Variants in MFHAS1 observed in about 807,000 individuals in gnomAD.
MFHAS1 encodes the protein multifunctional ROCO family signaling regulator 1.
A neutral mutation model predicts 70.4 loss-of-function variants in MFHAS1; 50 were observed. The ratio of observed to expected loss-of-function variants is 0.71; its 90% CI spans 0.57 to 0.90. The LOEUF (loss-of-function observed/expected upper bound fraction) is 0.90, where lower values mean the gene tolerates loss of function less well. Ranked by LOEUF, MFHAS1 falls within the 40% of genes least tolerant of loss-of-function variation. The pLI, the probability that MFHAS1 is intolerant of heterozygous loss-of-function variation, is 0.00. For synonymous variants in MFHAS1, 952 were observed against 620.0 expected (o/e 1.54, Z -7.96); for missense variants, 1,795 against 1,347.6 (o/e 1.33, Z -5.20).
At chr8:8,854,789 C>T (rs954768515) in intron 1 of MFHAS1, among the ~76,000 whole-genome samples, 7 of 152,120 alleles carry the variant, frequency 4.6e-5, no homozygotes, top group African/African-American at 1.7e-4. Flanking sequence ...ACGTGAAATT[C>T]AGATGTAAGA....
Position 8,785,904 on chromosome 8 carries a change from T to G in MFHAS1, c.*118A>C. ...CCAAAAAGCACCCTGCAAGCACGCGTTGTCACTCAAGTTCACAGAACACGC... is the reference window on the plus strand; with the variant it reads ...CCAAAAAGCACCCTGCAAGCACGCGGTGTCACTCAAGTTCACAGAACACGC... On this transcript the variant is annotated 3_prime_UTR_variant, in exon 3 of 3. Coordinates refer to ENST00000276282, the MANE Select transcript of MFHAS1 (RefSeq NM_004225.3). 1 of 719,070 alleles carries G rather than the reference T, an allele frequency of 1.4e-6. No homozygotes were observed. Among genetic ancestry groups the G allele is most frequent in the Non-Finnish European group, 2.2e-6 (1 of 450,690 alleles). The allele number at this position is 719,070 out of a possible 1,614,324, so 44.5% of individuals were successfully genotyped here. A position where few individuals can be genotyped will look rare whatever the true frequency, so the allele number is the denominator to read the frequency against.
intron 1 of MFHAS1, among the ~76,000 whole-genome samples, chr8:8,831,226 C>T (rs992350662): frequency 6.6e-6 from 1 of 151,990 alleles, no homozygotes; most frequent in Non-Finnish European, 1.5e-5. Flanking sequence ...AACCTTAAAA[C>T]CTCCTTATAG....
intron 2 of MFHAS1, among the ~76,000 whole-genome samples, chr8:8,788,738 G>A (rs1370274351): frequency 3.3e-5 from 5 of 152,212 alleles, no homozygotes; most frequent in African/African-American, 1.2e-4. Context: ...GTTACAGTTA[G>A]GATGGTTACG....
chr8:8,858,049 C>T (rs1808510911), intron 1 of MFHAS1, among the ~76,000 whole-genome samples: 1 of 152,180 alleles, frequency 6.6e-6, no homozygotes, highest in Non-Finnish European at 1.5e-5. Flanking sequence ...GTTCACTGAT[C>T]TGGGTCATTT....
At chr8:8,865,906 G>T (rs1275444809) in intron 1 of MFHAS1, among the ~76,000 whole-genome samples, 1 of 152,200 alleles carries the variant, frequency 6.6e-6, no homozygotes, top group Non-Finnish European at 1.5e-5. Flanking sequence ...GATTACTGCA[G>T]CTACAGAATG....
Position 8,891,528 on chromosome 8 carries a change from G to A in MFHAS1, c.1531C>T (p.His511Tyr). ...AAGGAGCCCACGGTGGTAGGAAAGT[G>A]GCGAGGCTCATAGGTGGCCAAGTTG... ...VVNLATYEPR[H>Y]FPTTVGSFLH... The change falls in exon 1 of 3, where the codon CAC (histidine) becomes TAC (tyrosine). Residue 511 changes from histidine to tyrosine, a missense_variant. Physicochemically the swap from His to Tyr is moderately conservative, Grantham distance 83. Transcript: ENST00000276282. This position sits in a 1 kb window ranked among gnomAD's most constrained non-coding sequence, Gnocchi z 5.4. The A allele has an allele frequency of 6.2e-7, 1 of 1,613,086 alleles. No individual in the cohort carries two copies. The highest frequency in any genetic ancestry group is 8.5e-7 in the Non-Finnish European group (1 of 1,180,040).
intron 1 of MFHAS1, among the ~76,000 whole-genome samples, chr8:8,855,446 CCTAA>C (rs1353733649): frequency 1.3e-5 from 2 of 152,206 alleles, no homozygotes; most frequent in African/African-American, 4.8e-5. Context: ...GCAATTAAAT[CCTAA>C]CTGAGATGCA....
chr8:8,833,774 T>C (rs1308231004), intron 1 of MFHAS1, among the ~76,000 whole-genome samples: 1 of 152,122 alleles, frequency 6.6e-6, no homozygotes, highest in Non-Finnish European at 1.5e-5. Flanking sequence ...TTTATTCACA[T>C]TGCCAAAAAA....
chr8:8,868,316 A>ATG (rs1808939153), intron 1 of MFHAS1, among the ~76,000 whole-genome samples: 1 of 151,548 alleles, frequency 6.6e-6, no homozygotes, highest in Admixed American at 6.6e-5. Flanking sequence ...CTTTCGGCTA[A>ATG]TAATATAGAC....
intron 2 of MFHAS1, among the ~76,000 whole-genome samples, chr8:8,791,368 T>A (rs746736736): frequency 2.6e-5 from 4 of 152,164 alleles, no homozygotes; most frequent in Non-Finnish European, 2.9e-5. Context: ...ATTCCAGTAA[T>A]GCCTCAAGGT....
chr8:8,886,099 C>CAAAT lies in MFHAS1; in HGVS notation c.2998+3958_2998+3961dup, dbSNP rs1809741823. On this transcript the variant is annotated intron_variant, in intron 1 of 2. Coordinates refer to ENST00000276282, the MANE Select transcript of MFHAS1 (RefSeq NM_004225.3). ...GTCAGATTACCTATTTTAAATAAGA[C>CAAAT]AAATAGGTCTTCTCTCTGACAATGT... Among the ~76,000 whole-genome samples the CAAAT allele has an allele frequency of 7.2e-5, 11 of 152,058 alleles. No homozygotes were observed. The South Asian group carries it at 2.3e-3, about 32-fold the overall frequency.
At chr8:8,802,917 G>A (rs545850288) in intron 1 of MFHAS1, among the ~76,000 whole-genome samples, 1 of 152,336 alleles carries the variant, frequency 6.6e-6, no homozygotes, top group East Asian at 1.9e-4. Context: ...GGGCTGAGTT[G>A]CTGCTGAACT....
chr8:8,822,240 G>C (rs1343343286), intron 1 of MFHAS1: 1 of 152,484 alleles, frequency 6.6e-6, no homozygotes, highest in Non-Finnish European at 1.5e-5. Flanking sequence ...TGTGGTGGGG[G>C]ACTGAAGCCA....
At chr8:8,879,610 C>T (rs1026751191) in intron 1 of MFHAS1, among the ~76,000 whole-genome samples, 2 of 152,088 alleles carry the variant, frequency 1.3e-5, no homozygotes, top group Non-Finnish European at 2.9e-5. Flanking sequence ...TCAGTAGGAT[C>T]ACATTTTTTT....
At chr8:8,849,824 C>T (rs1585050734) in intron 1 of MFHAS1, among the ~76,000 whole-genome samples, 1 of 152,206 alleles carries the variant, frequency 6.6e-6, no homozygotes, top group Admixed American at 6.5e-5. Context: ...ATCCTGAAGA[C>T]GGTTCATGGC....
rs751526126 is a variant in MFHAS1 at position 8,892,904 on chromosome 8, G to A, written c.155C>T (p.Ala52Val). 1.9e-6 allele frequency: 3 copies of A among 1,571,290 alleles called. No individual in the cohort carries two copies. The South Asian group carries it at 3.5e-5, about 18-fold the overall frequency. The change falls in exon 1 of 3, where the codon GCC becomes GTC. Residue 52 changes from alanine to valine, a missense_variant. By Grantham distance (64) the Ala-to-Val change is moderately conservative. Transcript: ENST00000276282. This position sits in a 1 kb window ranked among gnomAD's most constrained non-coding sequence, Gnocchi z 4.7. ...GAGADALESP[A>V]SPQLVLPANL... ...GGCCGGCAGCACGAGCTGGGGGGAG[G>A]CGGGGGACTCGAGCGCGTCGGCCCC...
chr8:8,856,779 A>G (rs1808455197), intron 1 of MFHAS1, among the ~76,000 whole-genome samples: 1 of 152,058 alleles, frequency 6.6e-6, no homozygotes, highest in African/African-American at 2.4e-5. Flanking sequence ...GAGTTAATGG[A>G]TGGTTTCAAG....
chr8:8,802,172 A>G (rs1314656867), intron 1 of MFHAS1, among the ~76,000 whole-genome samples: 1 of 152,162 alleles, frequency 6.6e-6, no homozygotes, highest in Non-Finnish European at 1.5e-5. Context: ...AGGGAGGGAC[A>G]ATTATTATCC....
chr8:8,796,412 A>C (rs1360241361), intron 2 of MFHAS1, among the ~76,000 whole-genome samples: 1 of 152,256 alleles, frequency 6.6e-6, no homozygotes, highest in Non-Finnish European at 1.5e-5. Context: ...CCCGTCAAAA[A>C]ACTATTTTCT....
Sources: gnomAD v4.1 joint callset for allele counts (sites outside exome capture counted in the v4.1 genomes callset) on GRCh38, gnomAD v4.1.1 for gene constraint, Gnocchi (gnomAD v3.1) non-coding constraint, MANE v1.5 for transcripts, NCBI Gene and HGNC (gene_info 2026-07-23, HGNC 2026-07-21) for gene names.